The following PARP4 variants were observed in gnomAD, a reference collection of about 807,000 sequenced individuals.
The protein encoded by PARP4 is protein mono-ADP-ribosyltransferase PARP4.
A neutral mutation model predicts 187.7 loss-of-function variants in PARP4; 120 were observed. The observed-to-expected ratio is 0.64, with a 90% confidence interval of 0.55 to 0.74. PARP4 has a LOEUF of 0.74. PARP4 is among the 30% of genes least tolerant of loss of function. The pLI, the probability that PARP4 is intolerant of heterozygous loss-of-function variation, is 0.00. For missense variants in PARP4, 1,836 were observed against 2,070.5 expected, an observed-to-expected ratio of 0.89 and a Z score of 2.20; for synonymous variants, 654 against 740.9, an observed-to-expected ratio of 0.88 and a Z score of 1.90.
intron 15 of PARP4, among the ~76,000 whole-genome samples, chr13:24,472,736 G>T (rs1444265645): frequency 1.3e-5 from 2 of 152,074 alleles, no homozygotes; most frequent in Non-Finnish European, 2.9e-5. Context: ...CGAGCTCCTG[G>T]CTGCGGCCCC....
At position 24,484,658 on chromosome 13, in the gene PARP4, C is replaced by T. The variant is rs140487937; in HGVS notation, c.1443G>A (p.Ser481=). Residue 481 remains serine (S), a synonymous_variant, in exon 12 of 34, where the codon TCG becomes TCA. Coordinates refer to ENST00000381989, the MANE Select transcript of PARP4 (RefSeq NM_006437.4). ...TGATTAAGGATCGAACATACCTGAGCGAATCACTGAAATAAATCCCACTTC... is the reference window on the plus strand; with the variant it reads ...TGATTAAGGATCGAACATACCTGAGTGAATCACTGAAATAAATCCCACTTC... ...NLGSGIYFSD[S]LSTSIKYSHP... is the part of the protein sequence containing the mutation. 37 of 1,602,916 alleles carry T rather than the reference C, an allele frequency of 2.3e-5. No individual in the cohort carries two copies. Among genetic ancestry groups the T allele is most frequent in the Non-Finnish European group, 2.5e-5 (29 of 1,169,816 alleles).
At chr13:24,445,939 T>C (rs1871186424) in intron 27 of PARP4, among the ~76,000 whole-genome samples, 1 of 152,158 alleles carries the variant, frequency 6.6e-6, no homozygotes, top group Admixed American at 6.5e-5. Context: ...TTGTAGGACA[T>C]GCAACTGGTG....
At chr13:24,496,251 C>A (rs1868948211) in intron 6 of PARP4, among the ~76,000 whole-genome samples, 1 of 152,214 alleles carries the variant, frequency 6.6e-6, no homozygotes, top group African/African-American at 2.4e-5. Context: ...ATATCCTCCA[C>A]AAAATCCAGT....
At chr13:24,478,967 A>G (rs1385839099) in intron 12 of PARP4, among the ~76,000 whole-genome samples, 1 of 152,212 alleles carries the variant, frequency 6.6e-6, no homozygotes, top group Non-Finnish European at 1.5e-5. Flanking sequence ...AAAGCTCAGA[A>G]AGGAATAAGA....
chr13:24,423,561 A>AAAAAC (rs1869863663), intron 33 of PARP4, among the ~76,000 whole-genome samples: 3 of 151,330 alleles, frequency 2.0e-5, no homozygotes, highest in Admixed American at 6.6e-5. Flanking sequence ...AAAACAAAAC[A>AAAAAC]AAAAAAAAGA....
chr13:24,494,475 G>A (rs1868830682), intron 7 of PARP4, 98 bp downstream of exon 7: 1 of 1,099,466 alleles, frequency 9.1e-7, no homozygotes, highest in South Asian at 1.5e-5. Context: ...ATACAGGCAT[G>A]AGCCACGAAG....
intron 27 of PARP4, 60 bp downstream of exon 27, chr13:24,446,621 T>C (rs1871222214): frequency 2.5e-6 from 3 of 1,180,528 alleles, no homozygotes; most frequent in Non-Finnish European, 3.8e-6. Flanking sequence ...GCATTATATA[T>C]GGAAATATAA....
intron 15 of PARP4, among the ~76,000 whole-genome samples, chr13:24,474,295 G>A (rs1872870149): frequency 6.7e-6 from 1 of 150,114 alleles, no homozygotes; most frequent in African/African-American, 2.5e-5. Flanking sequence ...CACATCACCA[G>A]GTCCCTTAAC....
chr13:24,435,206 G>C lies in PARP4; in HGVS notation c.3935C>G (p.Thr1312Ser). The C allele has an allele frequency of 6.2e-7, 1 of 1,614,192 alleles. No individual in the cohort carries two copies. Among genetic ancestry groups the C allele is most frequent in the Non-Finnish European group, 8.5e-7 (1 of 1,180,030 alleles). The stretch of plus-strand genomic sequence containing the variant: ...AGCCAAAATAGGAAAAAAGCTAGAA[G>C]TAGATGTTTCCCATGGACTGACTTT... The part of the protein sequence containing the change: ...FKKVSPWETS[T>S]SSFFPILAPA... The change falls in exon 31 of 34, where the codon ACT becomes AGT. Residue 1312 changes from threonine (T) to serine (S), a missense_variant. Around this residue, in one of 8 missense-constraint regions of PARP4, gnomAD observed 450 missense variants for 439.2 expected, o/e 1.02. Coordinates refer to ENST00000381989, the MANE Select transcript of PARP4 (RefSeq NM_006437.4).
Position 24,434,582 on chromosome 13 carries a change from C to A in PARP4, c.4559G>T (p.Ser1520Ile). The A allele has an allele frequency of 6.2e-7, 1 of 1,613,018 alleles. No homozygotes were observed. Among genetic ancestry groups the A allele is most frequent in the Non-Finnish European group, 8.5e-7 (1 of 1,179,214 alleles). ...TAGCTCATCACTTTCTGTGTCAGAA[C>A]TTTGAAAAGCAAAGACAGGACATCG... ...GSRCPVFAFQ[S>I]SDTESDELSE... Residue 1520 changes from serine (S) to isoleucine (I), a missense_variant, in exon 31 of 34, where the codon AGT becomes ATT. By Grantham distance (142) the Ser-to-Ile change is moderately radical (BLOSUM62 -2). This residue lies in a region of PARP4 where 450 missense variants were observed against 439.2 expected (regional missense o/e 1.02). Coordinates refer to ENST00000381989, the MANE Select transcript of PARP4 (RefSeq NM_006437.4).
intron 32 of PARP4, among the ~76,000 whole-genome samples, chr13:24,427,256 C>T (rs1870104986): frequency 6.6e-6 from 1 of 151,976 alleles, no homozygotes; most frequent in Non-Finnish European, 1.5e-5. Flanking sequence ...GTGGTTAGTA[C>T]CTATAGGTAT....
In PARP4 at chr13:24,456,483, A is replaced by C; in HGVS notation, c.2425-5T>G. 1 of 1,584,644 alleles carries C rather than the reference A, an allele frequency of 6.3e-7. No homozygotes were observed. Among genetic ancestry groups the C allele is most frequent in the Non-Finnish European group, 8.6e-7 (1 of 1,157,912 alleles). The stretch of plus-strand genomic sequence containing the variant: ...GACAGCTTTGCAGTCTGTGCGCTGC[A>C]AAACAAACACCGCGACAACAAGGTG... On this transcript the variant is annotated splice_polypyrimidine_tract_variant and splice_region_variant and intron_variant, in intron 20 of 33. Coordinates refer to ENST00000381989, the MANE Select transcript of PARP4 (RefSeq NM_006437.4).
intron 32 of PARP4, among the ~76,000 whole-genome samples, chr13:24,429,958 T>G (rs1870251175): frequency 1.3e-5 from 2 of 152,336 alleles, no homozygotes; most frequent in East Asian, 3.9e-4. Flanking sequence ...GAGAAATGCC[T>G]TTAGGTGACA....
intron 32 of PARP4, among the ~76,000 whole-genome samples, chr13:24,427,468 T>G (rs1190507258): frequency 1.3e-5 from 2 of 150,672 alleles, no homozygotes; most frequent in African/African-American, 4.9e-5. Context: ...ACTCCTGGAC[T>G]CAAGTGATCC....
At chr13:24,486,338 C>A (rs746795353) in intron 10 of PARP4, 33 bp from the exon 11 acceptor site, 6 of 1,447,876 alleles carry the variant, frequency 4.1e-6, no homozygotes, top group Non-Finnish European at 4.8e-6. Flanking sequence ...CTTTAGATTA[C>A]ATAATTGGAA....
At chr13:24,504,031 C>T (rs1410311852) in intron 1 of PARP4, among the ~76,000 whole-genome samples, 2 of 152,146 alleles carry the variant, frequency 1.3e-5, no homozygotes, top group Non-Finnish European at 2.9e-5. Context: ...TCATGATATA[C>T]ATCTTAATAA....
intron 1 of PARP4, among the ~76,000 whole-genome samples, chr13:24,506,158 G>A (rs1218507940): frequency 3.3e-5 from 5 of 151,678 alleles, no homozygotes; most frequent in Non-Finnish European, 7.4e-5. Flanking sequence ...TCCTTCCTTG[G>A]TCTCACTGAC....
intron 8 of PARP4, among the ~76,000 whole-genome samples, chr13:24,492,846 T>C (rs2137532784): frequency 6.6e-6 from 1 of 152,352 alleles, no homozygotes; most frequent in East Asian, 1.9e-4. Context: ...TCTATACATA[T>C]GTGGACACAT....
At chr13:24,461,511 G>A (rs1244987994) in intron 17 of PARP4, among the ~76,000 whole-genome samples, 2 of 152,154 alleles carry the variant, frequency 1.3e-5, no homozygotes, top group Non-Finnish European at 2.9e-5. Flanking sequence ...TGGGACACAG[G>A]ATCTGTGTGA....
Sources: gnomAD v4.1 joint callset for allele counts (sites outside exome capture counted in the v4.1 genomes callset) on GRCh38, gnomAD v4.1.1 for gene constraint, gnomAD v4.1.1 regional missense constraint, MANE v1.5 for transcripts, NCBI Gene and HGNC (gene_info 2026-07-23, HGNC 2026-07-21) for gene names.